Variants in ZSCAN2 observed in about 807,000 individuals in gnomAD.
ZSCAN2 encodes the protein zinc finger and SCAN domain-containing protein 2.
ZSCAN2 carries 26 observed loss-of-function variants against 47.8 expected under a neutral mutation model. The observed-to-expected ratio is 0.54, with a 90% CI of 0.40 to 0.75. The LOEUF (loss-of-function observed/expected upper bound fraction) is 0.75. ZSCAN2 is among the 30% of genes least tolerant of loss of function. ZSCAN2 has a pLI of 0.00. For missense variants in ZSCAN2, 732 were observed against 785.4 expected, an observed-to-expected ratio of 0.93 and a Z score of 0.81; for synonymous variants, 305 against 288.7, an observed-to-expected ratio of 1.06 and a Z score of -0.57.
At position 84,620,791 on chromosome 15, in the gene ZSCAN2, T is replaced by C; in HGVS notation, c.596T>C (p.Val199Ala). The change falls in exon 3 of 3, where the codon GTG becomes GCG. Residue 199 changes from valine to alanine, a missense_variant. Transcript: ENST00000546148. Reference sequence around the variant, plus strand: ...AGCCCAGGTGAGGACCACGGGGAGGTGGTTTCTCAGGACAGGGAAGTTGGC... The same window carrying C: ...AGCCCAGGTGAGGACCACGGGGAGGCGGTTTCTCAGGACAGGGAAGTTGGC... ...GHSPGEDHGE[V>A]VSQDREVGQL... is the part of the protein sequence containing the mutation. 1 of 1,613,834 alleles carries C rather than the reference T, an allele frequency of 6.2e-7. No individual in the cohort carries two copies. Among genetic ancestry groups the C allele is most frequent in the Non-Finnish European group, 8.5e-7 (1 of 1,179,988 alleles).
At chr15:84,614,661 C>A (rs905284798) in intron 2 of ZSCAN2, 1 of 152,198 alleles carries the variant, frequency 6.6e-6, no homozygotes, top group Non-Finnish European at 1.5e-5. Context: ...ATAGAGTCGC[C>A]CAGGCTGGAG....
chr15:84,613,843 A>G (rs993350710), intron 2 of ZSCAN2, among the ~76,000 whole-genome samples: 1 of 151,712 alleles, frequency 6.6e-6, no homozygotes, highest in African/African-American at 2.4e-5. Context: ...CACCATGCCC[A>G]GCTCATTTTT....
chr15:84,607,609 A>G (rs971333584), intron 2 of ZSCAN2, among the ~76,000 whole-genome samples: 5 of 152,054 alleles, frequency 3.3e-5, no homozygotes, highest in African/African-American at 1.2e-4. Context: ...CCTGGGTTCA[A>G]GTGATTCTCC....
At chr15:84,618,151 C>G (rs1346807834) in intron 2 of ZSCAN2, among the ~76,000 whole-genome samples, 2 of 152,170 alleles carry the variant, frequency 1.3e-5, no homozygotes, top group Non-Finnish European at 2.9e-5. Context: ...AGCGCGATAG[C>G]TCACACCTGT....
intron 2 of ZSCAN2, among the ~76,000 whole-genome samples, chr15:84,616,990 C>CTGGCTGTAATCCTGTAATT (rs1313326698): frequency 3.5e-4 from 54 of 152,270 alleles, no homozygotes; most frequent in African/African-American, 1.3e-3. Flanking sequence ...GCCATGGTGG[C>CTGGCTGTAATCCTGTAATT]ACATGCCTGT....
At chr15:84,608,308 T>C (rs1195577886) in intron 2 of ZSCAN2, among the ~76,000 whole-genome samples, 1 of 151,578 alleles carries the variant, frequency 6.6e-6, no homozygotes, top group African/African-American at 2.4e-5. Context: ...GGCGGGTGGA[T>C]CACTCGAGGC....
intron 1 of ZSCAN2, chr15:84,602,341 A>G (rs1221829046): frequency 6.6e-6 from 1 of 152,142 alleles, no homozygotes; most frequent in Non-Finnish European, 1.5e-5. Context: ...TTTTCCTATC[A>G]GAAGGATTAT....
At chr15:84,607,970 A>G (rs1473584922) in intron 2 of ZSCAN2, among the ~76,000 whole-genome samples, 1 of 151,932 alleles carries the variant, frequency 6.6e-6, no homozygotes, top group Non-Finnish European at 1.5e-5. Context: ...GAGCACCTCT[A>G]ATCACCTCTG....
At position 84,622,004 on chromosome 15, in the gene ZSCAN2, A is replaced by C. The variant is rs745813481; in HGVS notation, c.1809A>C (p.Thr603=). 6 of 1,609,822 alleles carry C rather than the reference A, an allele frequency of 3.7e-6. No individual in the cohort carries two copies. In the Admixed American group the frequency reaches 8.4e-5, roughly 23 times the overall value. Reference sequence around the variant, plus strand: ...TCAGCAACAGCTCTAACTTTATCACACATCAGAGAACTCACATGAAAGAGA... The same window carrying C: ...TCAGCAACAGCTCTAACTTTATCACCCATCAGAGAACTCACATGAAAGAGA... ...KGFSNSSNFI[T]HQRTHMKEKL... is the part of the protein sequence containing the mutation. The change falls in exon 3 of 3, where the codon ACA becomes ACC. Residue 603 remains threonine, a synonymous_variant. Coordinates refer to ENST00000546148, the MANE Select transcript of ZSCAN2 (RefSeq NM_181877.4).
chr15:84,614,458 G>C (rs967720351), intron 2 of ZSCAN2: 1 of 151,976 alleles, frequency 6.6e-6, no homozygotes, highest in Non-Finnish European at 1.5e-5. Context: ...CTACACTGCC[G>C]CATAACATTC....
At position 84,623,387 on chromosome 15, in the gene ZSCAN2, C is replaced by T. The variant is rs961214804; in HGVS notation, c.*1347C>T. ...GATTACAGGCGTGAGCCAGCGCACC[C>T]GGCCAAGAACATTATTTTTAAAGAA... is the stretch of plus-strand genomic sequence containing the variant. On this transcript the variant is annotated 3_prime_UTR_variant, in exon 3 of 3. Transcript: ENST00000546148. The T allele has an allele frequency of 1.6e-5, 3 of 190,104 alleles. No homozygotes were observed. The highest frequency in any genetic ancestry group is 4.8e-5 in the African/African-American group (2 of 41,642). The allele number at this position is 190,104 out of a possible 1,614,324, so 11.8% of individuals were successfully genotyped here.
At chr15:84,609,993 G>T (rs564333573) in intron 2 of ZSCAN2, among the ~76,000 whole-genome samples, 4 of 152,232 alleles carry the variant, frequency 2.6e-5, no homozygotes, top group African/African-American at 7.2e-5. Context: ...GCGAGGACAC[G>T]CAGGGCCCTG....
At chr15:84,606,441 A>G (rs547781441) in intron 2 of ZSCAN2, 2 of 1,130,300 alleles carry the variant, frequency 1.8e-6, no homozygotes, top group South Asian at 1.3e-5. Context: ...TGCTTGAAGC[A>G]AAGTGCTTGA....
At chr15:84,602,458 A>G (rs1423819396) in intron 1 of ZSCAN2, among the ~76,000 whole-genome samples, 3 of 152,216 alleles carry the variant, frequency 2.0e-5, no homozygotes, top group Admixed American at 6.5e-5. Context: ...TTGTGCCGCC[A>G]TTGCCAAATG....
chr15:84,621,825 A>G lies in ZSCAN2; in HGVS notation c.1630A>G (p.Ile544Val). 6.2e-7 allele frequency: 1 copy of G among 1,614,244 alleles called. No individual in the cohort carries two copies. Among genetic ancestry groups the G allele is most frequent in the Non-Finnish European group, 8.5e-7 (1 of 1,180,046 alleles). Residue 544 changes from isoleucine (I) to valine (V), a missense_variant, in exon 3 of 3, where the codon ATT becomes GTT. This residue lies in a region of ZSCAN2 where 412 missense variants were observed against 498.0 expected (regional missense o/e 0.83). Coordinates refer to ENST00000546148, the MANE Select transcript of ZSCAN2 (RefSeq NM_181877.4). The surrounding 1 kb of genome is among the most constrained non-coding windows in gnomAD (Gnocchi z 5.7). The stretch of plus-strand genomic sequence containing the variant: ...CGGCAAGAGCTTCAGCCGGGGCTCC[A>G]TTCTGGTCATGCACCAGAGAGCCCA... Reference protein sequence around the residue: ...MCGKSFSRGSILVMHQRAHLG... With the variant: ...MCGKSFSRGSVLVMHQRAHLG...
rs144348845 is a variant in ZSCAN2, at chr15:84,621,989, C to A, written c.1794C>A (p.Ser598Arg). 17 of 1,613,648 alleles carry A rather than the reference C, an allele frequency of 1.1e-5. No individual in the cohort carries two copies. The highest frequency in any genetic ancestry group is 1.4e-5 in the Non-Finnish European group (17 of 1,179,726). Residue 598 changes from serine (S) to arginine (R), a missense_variant, in exon 3 of 3, where the codon AGC (serine) becomes AGA (arginine). By Grantham distance (110) the Ser-to-Arg change is moderately radical. Transcript: ENST00000546148. This position sits in a 1 kb window ranked among gnomAD's most constrained non-coding sequence, Gnocchi z 5.7. ...CPECGKGFSN[S>R]SNFITHQRTH... ...AGTGTGGCAAAGGCTTCAGCAACAGCTCTAACTTTATCACACATCAGAGAA... is the reference window on the plus strand; with the variant it reads ...AGTGTGGCAAAGGCTTCAGCAACAGATCTAACTTTATCACACATCAGAGAA...
In ZSCAN2 at chr15:84,621,179, C is replaced by T. The variant is rs201294201; in HGVS notation, c.984C>T (p.His328=). Residue 328 remains histidine, a synonymous_variant, in exon 3 of 3, where the codon CAC becomes CAT. Transcript: ENST00000546148. This position sits in a 1 kb window ranked among gnomAD's most constrained non-coding sequence, Gnocchi z 5.7. ...SPNLIAHQRT[H]TGEKPYSCPE... is the part of the protein sequence containing the mutation. ...ACCTCATTGCACATCAGCGCACCCACACAGGAGAGAAACCCTACTCGTGCC... is the reference window on the plus strand; with the variant it reads ...ACCTCATTGCACATCAGCGCACCCATACAGGAGAGAAACCCTACTCGTGCC... The T allele has an allele frequency of 1.9e-6, 3 of 1,614,194 alleles. No homozygotes were observed. The East Asian group carries it at 6.7e-5, about 36-fold the overall frequency.
chr15:84,603,597 C>T (rs938873049), intron 1 of ZSCAN2, among the ~76,000 whole-genome samples: 11 of 152,074 alleles, frequency 7.2e-5, no homozygotes, highest in Non-Finnish European at 1.6e-4. Context: ...CCACCTCGGC[C>T]TCCCAAAGTG....
chr15:84,604,085 C>G lies in ZSCAN2; in HGVS notation c.158C>G (p.Ser53Cys), dbSNP rs1895296939. ...EAVLQEDGPE[S>C]EPFPQSAGKG... ...GTGCTGCAGGAGGATGGCCCTGAGT[C>G]TGAGCCCTTTCCCCAGAGTGCTGGC... The change falls in exon 2 of 3, where the codon TCT becomes TGT. Residue 53 changes from serine (S) to cysteine (C), a missense_variant. Ser to Cys is a moderately radical substitution (Grantham distance 112, BLOSUM62 -1). Transcript: ENST00000546148. 1 of 1,614,054 alleles carries G rather than the reference C, an allele frequency of 6.2e-7. No homozygotes were observed. The highest frequency in any genetic ancestry group is 8.5e-7 in the Non-Finnish European group (1 of 1,180,026).
Sources: allele counts gnomAD v4.1 joint callset (sites outside exome capture counted in the v4.1 genomes callset), GRCh38; gene constraint gnomAD v4.1.1; regional missense constraint gnomAD v4.1.1; non-coding constraint Gnocchi (gnomAD v3.1); transcripts MANE v1.5; gene names NCBI Gene and HGNC (gene_info 2026-07-23, HGNC 2026-07-21).